MEIS1: variants seen among roughly 807,000 people sequenced by gnomAD.
MEIS1 encodes the protein homeobox protein Meis1.
A neutral mutation model predicts 50.8 loss-of-function variants in MEIS1; 5 were observed. The observed-to-expected ratio is 0.10, with a 90% CI of 0.05 to 0.21. The LOEUF is 0.21. Ranked by LOEUF, MEIS1 falls within the 10% of genes least tolerant of loss-of-function variation. The probability of loss-of-function intolerance (pLI) is 1.00; values close to 1 mark genes in which losing one functional copy is unlikely to be tolerated. For missense variants in MEIS1, 318 were observed against 517.3 expected (o/e 0.61, Z 3.74); for synonymous variants, 176 against 179.3 (o/e 0.98, Z 0.15).
rs556714118 is a variant in MEIS1, at chr2:66,471,728, T to C, written c.742+7508T>C. The stretch of plus-strand genomic sequence containing the variant: ...TTTAAAAAGTATCTTCTTTTCAGTT[T>C]CACTCAGTTGGCTGTAAATTAGAGA... On this transcript the variant is annotated intron_variant, in intron 7 of 12. Transcript: ENST00000272369. Among the ~76,000 whole-genome samples the C allele has an allele frequency of 2.6e-5, 4 of 152,338 alleles. No individual in the cohort carries two copies. The East Asian group carries it at 7.7e-4, about 29-fold the overall frequency.
rs70943697 is a variant in MEIS1 at position 66,435,743 on chromosome 2, C to CT, written c.-90dup. ...AGACGTTAAGGGATTTTTCGTCGTG[C>CT]TTTTTTTTTTTTTTTTTTTTTTTTC... On this transcript the variant is annotated 5_prime_UTR_variant, in exon 1 of 13. Coordinates refer to ENST00000272369, the MANE Select transcript of MEIS1 (RefSeq NM_002398.3). The CT allele has an allele frequency of 0.016, 5,422 of 333,586 alleles. 11 individuals carry two copies. The highest frequency in any genetic ancestry group is 0.031 in the African/African-American group (601 of 19,348). The allele number at this position is 333,586 out of a possible 1,614,324, so 20.7% of individuals were successfully genotyped here.
intron 7 of MEIS1, among the ~76,000 whole-genome samples, chr2:66,495,080 CTTTTTTTTTTTTT>C (rs70943701): frequency 1.1e-5 from 1 of 91,516 alleles, no homozygotes; most frequent in South Asian, 4.4e-4. Flanking sequence ...CTCTTCTGAC[CTTTTTTTTTTTTT>C]TTTTTTTTTT....
At chr2:66,447,106 C>T (rs948059316) in intron 6 of MEIS1, among the ~76,000 whole-genome samples, 1 of 152,160 alleles carries the variant, frequency 6.6e-6, no homozygotes, top group African/African-American at 2.4e-5. Flanking sequence ...ACCTAATGTC[C>T]TGCATGGATG....
At chr2:66,538,407 T>C (rs758909170) in intron 8 of MEIS1, among the ~76,000 whole-genome samples, 2 of 152,194 alleles carry the variant, frequency 1.3e-5, no homozygotes, top group African/African-American at 2.4e-5. Flanking sequence ...GTAAACATTA[T>C]ATAAATGTCA....
At chr2:66,440,205 C>A in intron 3 of MEIS1, 1 of 604,968 alleles carries the variant, frequency 1.7e-6, no homozygotes, top group Non-Finnish European at 2.9e-6. Context: ...TTAAAATCAC[C>A]CATCTGCATC....
intron 6 of MEIS1, among the ~76,000 whole-genome samples, chr2:66,452,945 G>T (rs1360192508): frequency 6.6e-6 from 1 of 151,936 alleles, no homozygotes; most frequent in Non-Finnish European, 1.5e-5. Flanking sequence ...TGTATTGCTA[G>T]TGTTCAATTT....
At chr2:66,534,039 C>A (rs982557081) in intron 8 of MEIS1, among the ~76,000 whole-genome samples, 1 of 152,164 alleles carries the variant, frequency 6.6e-6, no homozygotes, top group Non-Finnish European at 1.5e-5. Flanking sequence ...TTACTAGTCT[C>A]TAAATATATG....
intron 8 of MEIS1, among the ~76,000 whole-genome samples, chr2:66,537,975 T>C (rs955899624): frequency 5.9e-5 from 9 of 152,340 alleles, no homozygotes; most frequent in African/African-American, 2.2e-4. Context: ...GTTGTGCATG[T>C]TCAAGTGAAA....
chr2:66,536,214 C>A (rs1215424906), intron 8 of MEIS1, among the ~76,000 whole-genome samples: 1 of 152,130 alleles, frequency 6.6e-6, no homozygotes, highest in Non-Finnish European at 1.5e-5. Context: ...GAGAGGATTT[C>A]TGTGGCTTTA....
intron 9 of MEIS1, among the ~76,000 whole-genome samples, chr2:66,567,171 T>C (rs1675368866): frequency 6.6e-6 from 1 of 152,162 alleles, no homozygotes; most frequent in Admixed American, 6.6e-5. Flanking sequence ...TCCTGAAAAC[T>C]CTGCTAATTC....
Position 66,571,431 on chromosome 2 carries a change from C to A in MEIS1, c.*223C>A. The A allele has an allele frequency of 6.2e-7, 1 of 1,605,626 alleles. No homozygotes were observed. The highest frequency in any genetic ancestry group is 8.5e-7 in the Non-Finnish European group (1 of 1,176,264). ...AACAGTGATGATGCATGGAGGACCG[C>A]CCCACCCTGGAATGCCAATGTCAGC... On this transcript the variant is annotated 3_prime_UTR_variant, in exon 13 of 13. Transcript: ENST00000272369.
intron 7 of MEIS1, among the ~76,000 whole-genome samples, chr2:66,488,216 A>C (rs959835026): frequency 1.3e-5 from 2 of 152,210 alleles, no homozygotes; most frequent in African/African-American, 4.8e-5. Context: ...CTGATGGAAG[A>C]GTGTGGGTCA....
intron 9 of MEIS1, among the ~76,000 whole-genome samples, chr2:66,558,227 C>T (rs1203924677): frequency 3.7e-5 from 5 of 136,084 alleles, no homozygotes; most frequent in African/African-American, 8.3e-5. Flanking sequence ...TGCTGTGAGC[C>T]GAGATTGCGC....
chr2:66,446,467 G>A (rs924309958), intron 6 of MEIS1, among the ~76,000 whole-genome samples: 1 of 152,124 alleles, frequency 6.6e-6, no homozygotes, highest in Non-Finnish European at 1.5e-5. Flanking sequence ...TGCCGGTAGC[G>A]AGCCGAGATT....
intron 7 of MEIS1, among the ~76,000 whole-genome samples, chr2:66,474,033 T>C (rs1672830882): frequency 6.6e-6 from 1 of 152,238 alleles, no homozygotes; most frequent in Admixed American, 6.5e-5. Context: ...TACTGTATTG[T>C]TTAGAAAATA....
chr2:66,441,713 T>C, intron 5 of MEIS1: 1 of 472,134 alleles, frequency 2.1e-6, no homozygotes, highest in Non-Finnish European at 3.7e-6. Context: ...TGGCTTTGTG[T>C]AAATAGTTGC....
chr2:66,526,531 A>G (rs1426464864), intron 8 of MEIS1, among the ~76,000 whole-genome samples: 1 of 152,228 alleles, frequency 6.6e-6, no homozygotes, highest in East Asian at 1.9e-4. Context: ...GAAATACAGT[A>G]TGTGTGGTGT....
rs1232459908 is a variant in MEIS1 at position 66,438,084 on chromosome 2, A to G, written c.239+121A>G. 1.7e-5 allele frequency: 16 copies of G among 929,820 alleles called. 1 individual carries two copies. Among genetic ancestry groups the G allele is most frequent in the Middle Eastern group, 2.2e-4 (1 of 4,538 alleles). 57.6% of individuals were successfully genotyped at this position (929,820 alleles called of 1,614,324 possible). A position where few individuals can be genotyped will look rare whatever the true frequency, so the allele number is the denominator to read the frequency against. ...GGAGGTACATCTTTGGTGACTTTTC[A>G]TTCACATTTCATGGATAATTTGGGG... is the stretch of plus-strand genomic sequence containing the variant. On this transcript the variant is annotated intron_variant, in intron 2 of 12. Coordinates refer to ENST00000272369, the MANE Select transcript of MEIS1 (RefSeq NM_002398.3).
Position 66,534,499 on chromosome 2 carries a change from G to A in MEIS1, c.889-13444G>A, listed in dbSNP as rs189227042. On this transcript the variant is annotated intron_variant, in intron 8 of 12. Coordinates refer to ENST00000272369, the MANE Select transcript of MEIS1 (RefSeq NM_002398.3). ...CAGTGAGCCAAGATTGTGCCACTGC[G>A]CTTCAGCCTGGGCAACAGAGTGAGA... is the stretch of plus-strand genomic sequence containing the variant. Among the ~76,000 whole-genome samples the A allele has an allele frequency of 2.6e-4, 40 of 151,914 alleles. 1 individual carries two copies. The highest frequency in any genetic ancestry group is 4.2e-4 in the South Asian group (2 of 4,792).
Sources: allele counts gnomAD v4.1 joint callset (sites outside exome capture counted in the v4.1 genomes callset), GRCh38; gene constraint gnomAD v4.1.1; transcripts MANE v1.5; gene names NCBI Gene and HGNC (gene_info 2026-07-23, HGNC 2026-07-21).